LSAMP: variants seen among roughly 807,000 people sequenced by gnomAD.
LSAMP encodes the protein limbic system associated membrane protein.
Under a neutral mutation model 38.6 loss-of-function variants are expected in LSAMP, and 7 were observed. The ratio of observed to expected loss-of-function variants is 0.18; its 90% confidence interval spans 0.10 to 0.34. The LOEUF (loss-of-function observed/expected upper bound fraction) is 0.34, where lower values mean the gene tolerates loss of function less well. Among genes scored for constraint, LSAMP ranks in the 10% least tolerant of loss-of-function variants. The probability of loss-of-function intolerance (pLI) is 1.00; values close to 1 mark genes in which losing one functional copy is unlikely to be tolerated. For missense variants in LSAMP, 313 were observed against 420.0 expected (o/e 0.75, Z 2.23); for synonymous variants, 154 against 166.8 (o/e 0.92, Z 0.59).
Position 115,868,579 on chromosome 3 carries a change from A to G in LSAMP, c.515-15962T>C, listed in dbSNP as rs150354701. On this transcript the variant is annotated intron_variant, in intron 3 of 6. Transcript: ENST00000490035. ...TCAGGAACATGGAATTTTCCCCTAA[A>G]CGAGCATAAATATATTTTTCACTAA... is the stretch of plus-strand genomic sequence containing the variant. Among the ~76,000 whole-genome samples, 477 of 152,190 alleles carry G rather than the reference A, an allele frequency of 3.1e-3. 2 individuals are homozygous for G. The highest frequency in any genetic ancestry group is 6.4e-3 in the Admixed American group (98 of 15,242).
chr3:116,207,956 A>C (rs1276749037), intron 1 of LSAMP, among the ~76,000 whole-genome samples: 6 of 148,116 alleles, frequency 4.1e-5, no homozygotes, highest in Non-Finnish European at 9.1e-5. Context: ...CTGCCTTGCT[A>C]GATTGGGGAA....
chr3:116,330,579 T>C (rs2047838090), intron 1 of LSAMP, among the ~76,000 whole-genome samples: 3 of 152,080 alleles, frequency 2.0e-5, no homozygotes, highest in Admixed American at 6.6e-5. Flanking sequence ...ATTTTTCTTT[T>C]TTTCTCCCTT....
Position 116,296,694 on chromosome 3 carries a change from C to CAAAAA in LSAMP, c.155+148178_155+148182dup, listed in dbSNP as rs10659032. Among the ~76,000 whole-genome samples the CAAAAA allele has an allele frequency of 3.9e-4, 23 of 59,698 alleles. 1 individual carries two copies. The highest frequency in any genetic ancestry group is 1.0e-3 in the South Asian group (1 of 994). The allele number at this position is 59,698 out of a possible 152,430, so 39.2% of individuals were successfully genotyped here. A position where few individuals can be genotyped will look rare whatever the true frequency, so the allele number is the denominator to read the frequency against. Reference sequence around the variant, plus strand: ...TGGGCGACAGAGCGTGACTCTGTCTCAAAAAAAAAAAAAAAAAAAAAAAAA... The same window carrying CAAAAA: ...TGGGCGACAGAGCGTGACTCTGTCTCAAAAAAAAAAAAAAAAAAAAAAAAAAAAAA... On this transcript the variant is annotated intron_variant, in intron 1 of 6. Transcript: ENST00000490035.
At chr3:116,204,207 A>G (rs2046031442) in intron 1 of LSAMP, among the ~76,000 whole-genome samples, 2 of 151,396 alleles carry the variant, frequency 1.3e-5, no homozygotes, top group African/African-American at 4.9e-5. Context: ...TTCTTTTGAG[A>G]AGTGTCTGTT....
At chr3:115,823,320 T>C (rs929094474) in intron 6 of LSAMP, among the ~76,000 whole-genome samples, 5 of 152,168 alleles carry the variant, frequency 3.3e-5, no homozygotes, top group African/African-American at 1.2e-4. Flanking sequence ...CTGGCCCAGG[T>C]AGGAGGGCAG....
chr3:116,142,221 GT>G (rs1179851539), intron 1 of LSAMP, among the ~76,000 whole-genome samples: 1 of 152,030 alleles, frequency 6.6e-6, no homozygotes, highest in Non-Finnish European at 1.5e-5. Flanking sequence ...TTGAAAAGTT[GT>G]TAATTGCAAA....
intron 2 of LSAMP, among the ~76,000 whole-genome samples, chr3:116,054,186 A>G (rs764389523): frequency 3.9e-5 from 6 of 152,282 alleles, no homozygotes; most frequent in African/African-American, 1.4e-4. Context: ...GCAGTGCAGC[A>G]TCAATAATCT....
intron 1 of LSAMP, among the ~76,000 whole-genome samples, chr3:116,386,923 C>A (rs763888161): frequency 6.6e-6 from 1 of 152,138 alleles, no homozygotes; most frequent in Non-Finnish European, 1.5e-5. Flanking sequence ...GAGAAGTAAA[C>A]ATCTGAGAAG....
chr3:116,377,026 T>C (rs1407041138), intron 1 of LSAMP, among the ~76,000 whole-genome samples: 1 of 152,076 alleles, frequency 6.6e-6, no homozygotes, highest in African/African-American at 2.4e-5. Flanking sequence ...AGTCTACCAG[T>C]TCAAATACCA....
At chr3:116,057,645 A>G (rs1351831016) in intron 2 of LSAMP, among the ~76,000 whole-genome samples, 17 of 152,094 alleles carry the variant, frequency 1.1e-4, no homozygotes, top group Non-Finnish European at 2.5e-4. Flanking sequence ...GAGATCTCAT[A>G]TATTATCTAG....
At chr3:116,391,348 G>T (rs1559851471) in intron 1 of LSAMP, among the ~76,000 whole-genome samples, 1 of 152,052 alleles carries the variant, frequency 6.6e-6, no homozygotes, top group Non-Finnish European at 1.5e-5. Context: ...TCCCACCCTT[G>T]TGCAGCCAGG....
chr3:116,011,013 C>CTTTTTTTTTTTT lies in LSAMP; in HGVS notation c.514+8501_514+8502insAAAAAAAAAAAA, dbSNP rs1169726977. Reference sequence around the variant, plus strand: ...GCACATGAATAAGGCATAGTTTATGCTTTTTTTTGAGACAGAGTCTCACTC... The same window carrying CTTTTTTTTTTTT: ...GCACATGAATAAGGCATAGTTTATGCTTTTTTTTTTTTTTTTTTTTGAGACAGAGTCTCACTC... On this transcript the variant is annotated intron_variant, in intron 3 of 6. Coordinates refer to ENST00000490035, the MANE Select transcript of LSAMP (RefSeq NM_002338.5). 5.0e-3 allele frequency among the ~76,000 whole-genome samples: 755 copies of CTTTTTTTTTTTT among 150,476 alleles called. 16 individuals carry two copies. Among genetic ancestry groups the CTTTTTTTTTTTT allele is most frequent in the African/African-American group, 0.017 (703 of 40,234 alleles).
In LSAMP at chr3:116,185,427, C is replaced by T. The variant is rs190494715; in HGVS notation, c.156-98871G>A. Among the ~76,000 whole-genome samples the T allele has an allele frequency of 1.3e-3, 196 of 152,128 alleles. 1 individual carries two copies. The highest frequency in any genetic ancestry group is 3.9e-3 in the African/African-American group (162 of 41,540). ...GATCAGGCTCACTGTTTTGAAGAGA[C>T]AGGTTAGAGTGTATCCCTATGACCT... On this transcript the variant is annotated intron_variant, in intron 1 of 6. Coordinates refer to ENST00000490035, the MANE Select transcript of LSAMP (RefSeq NM_002338.5).
chr3:115,899,087 A>G (rs1297773328), intron 3 of LSAMP, among the ~76,000 whole-genome samples: 1 of 152,140 alleles, frequency 6.6e-6, no homozygotes, highest in Non-Finnish European at 1.5e-5. Context: ...AGGATAAAGA[A>G]GCCTCATTTT....
At chr3:116,424,620 G>C (rs1176280939) in intron 1 of LSAMP, among the ~76,000 whole-genome samples, 1 of 152,176 alleles carries the variant, frequency 6.6e-6, no homozygotes, top group African/African-American at 2.4e-5. Flanking sequence ...CTTACATAGA[G>C]ACTTAGTCTT....
At chr3:116,403,466 G>T (rs1028631047) in intron 1 of LSAMP, among the ~76,000 whole-genome samples, 8 of 151,646 alleles carry the variant, frequency 5.3e-5, no homozygotes, top group Admixed American at 3.3e-4. Context: ...GGAGATATTT[G>T]TGAACTTTTA....
At chr3:116,351,734 C>G (rs772781263) in intron 1 of LSAMP, among the ~76,000 whole-genome samples, 1 of 152,038 alleles carries the variant, frequency 6.6e-6, no homozygotes, top group Admixed American at 6.6e-5. Context: ...GTGAAAGATT[C>G]TTTTGCTATC....
intron 1 of LSAMP, among the ~76,000 whole-genome samples, chr3:116,272,581 C>T (rs1012918128): frequency 1.3e-5 from 2 of 152,100 alleles, no homozygotes; most frequent in African/African-American, 4.8e-5. Context: ...AAGCAAAGGC[C>T]TTGAACTACA....
At chr3:116,293,236 C>T (rs1376570732) in intron 1 of LSAMP, among the ~76,000 whole-genome samples, 1 of 152,154 alleles carries the variant, frequency 6.6e-6, no homozygotes, top group African/African-American at 2.4e-5. Context: ...CACCAGGGAA[C>T]TTTACCAAGG....
Sources: gnomAD v4.1 joint callset for allele counts (sites outside exome capture counted in the v4.1 genomes callset) on GRCh38, gnomAD v4.1.1 for gene constraint, MANE v1.5 for transcripts, NCBI Gene and HGNC (gene_info 2026-07-23, HGNC 2026-07-21) for gene names.